AGPAT5: variants seen among roughly 807,000 people sequenced by gnomAD.
AGPAT5 encodes 1-acyl-sn-glycerol-3-phosphate acyltransferase epsilon.
A neutral mutation model predicts 45.6 loss-of-function variants in AGPAT5; 46 were observed. The observed-to-expected ratio is 1.01, with a 90% CI of 0.80 to 1.29. The LOEUF (loss-of-function observed/expected upper bound fraction) is 1.29. Ranked by LOEUF, AGPAT5 falls within the 50% of genes most tolerant of loss-of-function variation. The pLI is 0.00. For synonymous variants in AGPAT5, 272 were observed against 167.0 expected (o/e 1.63, Z -4.85); for missense variants, 673 against 450.7 (o/e 1.49, Z -4.47).
At chr8:6,711,818 C>G (rs1800164817) in intron 1 of AGPAT5, among the ~76,000 whole-genome samples, 1 of 152,210 alleles carries the variant, frequency 6.6e-6, no homozygotes, top group South Asian at 2.1e-4. Context: ...CTCTGCCTTA[C>G]AGTCCTTGCT....
At chr8:6,722,773 T>C (rs1280019379) in intron 1 of AGPAT5, among the ~76,000 whole-genome samples, 5 of 152,238 alleles carry the variant, frequency 3.3e-5, no homozygotes, top group African/African-American at 1.2e-4. Flanking sequence ...GTGATGAAGA[T>C]AGTTATTCAG....
intron 1 of AGPAT5, among the ~76,000 whole-genome samples, chr8:6,719,186 A>G (rs1276998412): frequency 6.6e-6 from 1 of 152,246 alleles, no homozygotes; most frequent in African/African-American, 2.4e-5. Flanking sequence ...AGAACATCAC[A>G]TATTCTTCTG....
chr8:6,744,193 A>C (rs1246453096), intron 5 of AGPAT5, among the ~76,000 whole-genome samples: 2 of 152,234 alleles, frequency 1.3e-5, no homozygotes, highest in African/African-American at 2.4e-5. Context: ...ATGAATAAGA[A>C]ATTCAAGAGA....
intron 1 of AGPAT5, among the ~76,000 whole-genome samples, chr8:6,713,734 A>AT (rs1443263774): frequency 6.6e-6 from 1 of 150,444 alleles, no homozygotes; most frequent in African/African-American, 2.5e-5. Flanking sequence ...TTTTTTTGGT[A>AT]TTTTTTAGTG....
rs1202700042 is a variant in AGPAT5 at position 6,760,302 on chromosome 8, G to A, written c.*2914G>A. On this transcript the variant is annotated 3_prime_UTR_variant, in exon 8 of 8. Coordinates refer to ENST00000285518, the MANE Select transcript of AGPAT5 (RefSeq NM_018361.5). ...TGTCCCAGCTACTCGGGAGGGTGAGGTGGGAGGATCGCTTCAGCCCAGGAG... is the reference window on the plus strand; with the variant it reads ...TGTCCCAGCTACTCGGGAGGGTGAGATGGGAGGATCGCTTCAGCCCAGGAG... 6.6e-6 allele frequency among the ~76,000 whole-genome samples: 1 copy of A among 152,146 alleles called. No individual in the cohort carries two copies. The highest frequency in any genetic ancestry group is 1.5e-5 in the Non-Finnish European group (1 of 68,038).
In AGPAT5 at chr8:6,741,700, C is replaced by G. The variant is rs777478832; in HGVS notation, c.535C>G (p.Pro179Ala). 21 of 1,612,596 alleles carry G rather than the reference C, an allele frequency of 1.3e-5. No individual in the cohort carries two copies. Among genetic ancestry groups the G allele is most frequent in the Non-Finnish European group, 1.6e-5 (19 of 1,179,284 alleles). ...VIFPEGTRYN[P>A]EQTKVLSASQ... ...TTTTCCAGAAGGTACAAGGTATAAT[C>G]CAGAGCAAACAAAAGTCCTTTCAGC... The change falls in exon 5 of 8, where the codon CCA becomes GCA. Residue 179 changes from proline (P) to alanine (A), a missense_variant. Coordinates refer to ENST00000285518, the MANE Select transcript of AGPAT5 (RefSeq NM_018361.5).
chr8:6,720,575 G>C (rs12548581), intron 1 of AGPAT5, among the ~76,000 whole-genome samples: 21,875 of 152,068 alleles, frequency 0.14, 1,798 homozygotes, highest in East Asian at 0.24. Flanking sequence ...TCCTATGGAT[G>C]CTACCAAGCC....
At chr8:6,742,974 T>C (rs945378823) in intron 5 of AGPAT5, among the ~76,000 whole-genome samples, 1 of 152,212 alleles carries the variant, frequency 6.6e-6, no homozygotes, top group Non-Finnish European at 1.5e-5. Flanking sequence ...TTCACATTTA[T>C]TAAACAGAAC....
At chr8:6,728,690 A>G (rs773188020) in intron 2 of AGPAT5, among the ~76,000 whole-genome samples, 14 of 152,364 alleles carry the variant, frequency 9.2e-5, no homozygotes, top group African/African-American at 2.2e-4. Context: ...TACGCCAACT[A>G]TATTTCCAAG....
intron 7 of AGPAT5, 106 bp from the exon 8 acceptor site, chr8:6,757,057 A>G (rs1015344623): frequency 3.9e-6 from 3 of 763,770 alleles, no homozygotes; most frequent in Non-Finnish European, 6.3e-6. Context: ...CTTATTTTCC[A>G]GGGACCTGCA....
chr8:6,743,003 G>A (rs896652738), intron 5 of AGPAT5, among the ~76,000 whole-genome samples: 16 of 152,098 alleles, frequency 1.1e-4, no homozygotes, highest in Admixed American at 2.6e-4. Flanking sequence ...AACCACTCTC[G>A]AATCTGTAGT....
intron 1 of AGPAT5, among the ~76,000 whole-genome samples, chr8:6,712,605 A>G (rs1800190508): frequency 6.6e-6 from 1 of 152,206 alleles, no homozygotes; most frequent in South Asian, 2.1e-4. Flanking sequence ...CTTATGGGAA[A>G]TTAAAAGGAA....
chr8:6,747,321 C>G (rs943097148), intron 5 of AGPAT5, among the ~76,000 whole-genome samples: 8 of 152,190 alleles, frequency 5.3e-5, no homozygotes, highest in Admixed American at 5.2e-4. Context: ...TCTTGAGTCA[C>G]CATGGGCAAG....
At chr8:6,719,792 C>T (rs1800443153) in intron 1 of AGPAT5, among the ~76,000 whole-genome samples, 1 of 152,148 alleles carries the variant, frequency 6.6e-6, no homozygotes, top group Admixed American at 6.5e-5. Flanking sequence ...AAATCTGCTC[C>T]TAATGGTGGT....
intron 2 of AGPAT5, among the ~76,000 whole-genome samples, chr8:6,728,773 G>A (rs1800771960): frequency 6.6e-6 from 1 of 152,148 alleles, no homozygotes; most frequent in South Asian, 2.1e-4. Flanking sequence ...GCTTACTTTT[G>A]CATTTGGTAC....
chr8:6,744,830 G>T (rs572810580), intron 5 of AGPAT5, among the ~76,000 whole-genome samples: 1 of 152,270 alleles, frequency 6.6e-6, no homozygotes, highest in East Asian at 1.9e-4. Flanking sequence ...TCCCAGTGCT[G>T]GGCTGTTCTG....
At chr8:6,753,522 G>A (rs1801724800) in intron 6 of AGPAT5, among the ~76,000 whole-genome samples, 1 of 152,176 alleles carries the variant, frequency 6.6e-6, no homozygotes, top group African/African-American at 2.4e-5. Flanking sequence ...TGCATACTGT[G>A]TGCCAAGCAC....
rs933468500 is a variant in AGPAT5, at chr8:6,759,616, T to C, written c.*2228T>C. 19 of 152,074 alleles carry C rather than the reference T, an allele frequency of 1.2e-4. No individual in the cohort carries two copies. Among genetic ancestry groups the C allele is most frequent in the African/African-American group, 4.3e-4 (18 of 41,404 alleles). 9.4% of individuals were successfully genotyped at this position (152,074 alleles called of 1,614,324 possible). A position where few individuals can be genotyped will look rare whatever the true frequency, so the allele number is the denominator to read the frequency against. ...TGCTTTTATGTTTTTCAGAAAAGGG[T>C]GTGTTTGGATGAAAGTAAAAAAAAA... On this transcript the variant is annotated 3_prime_UTR_variant, in exon 8 of 8. Transcript: ENST00000285518.
chr8:6,712,325 C>A (rs563765246), intron 1 of AGPAT5, among the ~76,000 whole-genome samples: 1 of 151,832 alleles, frequency 6.6e-6, no homozygotes, highest in South Asian at 2.1e-4. Context: ...ATTCATATTT[C>A]GGTATTCTTT....
Sources: allele counts gnomAD v4.1 joint callset (sites outside exome capture counted in the v4.1 genomes callset), GRCh38; gene constraint gnomAD v4.1.1; transcripts MANE v1.5; gene names NCBI Gene and HGNC (gene_info 2026-07-23, HGNC 2026-07-21).